The following RYR2 variants were observed in gnomAD, a reference collection of about 807,000 sequenced individuals.
RYR2 encodes cardiac muscle ryanodine receptor-calcium release channel.
A neutral mutation model predicts 601.1 loss-of-function variants in RYR2; 227 were observed. That is an observed-to-expected ratio of 0.38 (90% CI 0.34 to 0.42). RYR2 has a LOEUF of 0.42. Among genes scored for constraint, RYR2 ranks in the 10% least tolerant of loss-of-function variants. The pLI is 1.00. For missense variants in RYR2, 4,646 were observed against 6,156.5 expected, an observed-to-expected ratio of 0.75 and a Z score of 8.21; for synonymous variants, 2,223 against 2,175.1, an observed-to-expected ratio of 1.02 and a Z score of -0.61.
intron 1 of RYR2, among the ~76,000 whole-genome samples, chr1:237,120,511 C>T (rs1434712400): frequency 2.0e-5 from 3 of 152,150 alleles, no homozygotes; most frequent in South Asian, 2.1e-4. Context: ...TAAATGGTGA[C>T]GATAAAATGT....
At chr1:237,419,301 T>TA (rs538324984) in intron 11 of RYR2, among the ~76,000 whole-genome samples, 57 of 149,182 alleles carry the variant, frequency 3.8e-4, no homozygotes, top group Middle Eastern at 3.5e-3. Context: ...TATTTTTGGT[T>TA]AAAAAAAAAA....
intron 4 of RYR2, among the ~76,000 whole-genome samples, chr1:237,356,572 T>A (rs542960433): frequency 6.6e-6 from 1 of 152,076 alleles, no homozygotes; most frequent in South Asian, 2.1e-4. Context: ...CCTTATATAA[T>A]CTGAAGCAGT....
At chr1:237,187,392 C>T (rs1165077418) in intron 1 of RYR2, among the ~76,000 whole-genome samples, 4 of 149,946 alleles carry the variant, frequency 2.7e-5, no homozygotes, top group Non-Finnish European at 2.9e-5. Context: ...CTGCCTGCCT[C>T]GGCCTCCCAA....
chr1:237,269,441 C>T (rs1335314593), intron 1 of RYR2, among the ~76,000 whole-genome samples: 1 of 151,878 alleles, frequency 6.6e-6, no homozygotes, highest in Non-Finnish European at 1.5e-5. Context: ...TGCCATACTA[C>T]CTTGGTGAAG....
At chr1:237,210,984 G>A (rs1682508299) in intron 1 of RYR2, among the ~76,000 whole-genome samples, 3 of 152,030 alleles carry the variant, frequency 2.0e-5, no homozygotes, top group Middle Eastern at 3.4e-3. Flanking sequence ...TGTCACTGCC[G>A]CAGAGACGTC....
chr1:237,723,434 G>A (rs757687773), intron 74 of RYR2, among the ~76,000 whole-genome samples, 172 bp downstream of exon 74: 1 of 152,110 alleles, frequency 6.6e-6, no homozygotes, highest in Non-Finnish European at 1.5e-5. Flanking sequence ...CAATTTCTAA[G>A]CTTACAAATC....
In RYR2 at chr1:237,654,295, A is replaced by G. The variant is rs1037994284; in HGVS notation, c.7846A>G (p.Arg2616Gly). ...PLKLLTNHYE[R>G]CWKYYCLPGG... is the part of the protein sequence containing the mutation. ...ATAGCTGCTGACAAATCATTATGAA[A>G]GATGCTGGAAATATTACTGCCTGCC... Residue 2616 changes from arginine to glycine, a missense_variant, in exon 52 of 105, where the codon AGA becomes GGA. Physicochemically the swap from Arg to Gly is moderately radical, Grantham distance 125. Transcript: ENST00000366574. The G allele has an allele frequency of 6.2e-7, 1 of 1,613,934 alleles. No homozygotes were observed. Among genetic ancestry groups the G allele is most frequent in the Non-Finnish European group, 8.5e-7 (1 of 1,179,832 alleles).
chr1:237,048,165 G>A (rs187808448), intron 1 of RYR2, among the ~76,000 whole-genome samples: 2 of 152,260 alleles, frequency 1.3e-5, no homozygotes, highest in Admixed American at 1.3e-4. Context: ...TGTGGCTGTG[G>A]CTCCAGTGTG....
chr1:237,724,867 T>C (rs1191473767), intron 74 of RYR2, among the ~76,000 whole-genome samples: 1 of 152,200 alleles, frequency 6.6e-6, no homozygotes, highest in African/African-American at 2.4e-5. Context: ...ATGAAGCTTA[T>C]AGAAACTGAT....
At position 237,281,380 on chromosome 1, in the gene RYR2, T is replaced by C. The variant is rs16835092; in HGVS notation, c.168+10764T>C. On this transcript the variant is annotated intron_variant, in intron 2 of 104. Coordinates refer to ENST00000366574, the MANE Select transcript of RYR2 (RefSeq NM_001035.3). ...TAGGTGAGCTCCTAATTTCCCATTA[T>C]GTTTCTCATAAGATGTAGAAAATGA... Among the ~76,000 whole-genome samples, 835 of 152,292 alleles carry C rather than the reference T, an allele frequency of 5.5e-3. 6 individuals are homozygous for C. Among genetic ancestry groups the C allele is most frequent in the African/African-American group, 0.019 (790 of 41,550 alleles).
intron 25 of RYR2, among the ~76,000 whole-genome samples, chr1:237,540,961 A>G (rs1367146137): frequency 6.6e-6 from 1 of 152,048 alleles, no homozygotes; most frequent in Non-Finnish European, 1.5e-5. Flanking sequence ...ATTTAAAATG[A>G]CTTTCTGAAA....
At chr1:237,379,906 ATTG>A (rs756339215) in intron 8 of RYR2, among the ~76,000 whole-genome samples, 91 of 152,184 alleles carry the variant, frequency 6.0e-4, no homozygotes, top group Non-Finnish European at 7.4e-4. Context: ...CGTTGCTTTT[ATTG>A]TTGATCTCTA....
chr1:237,594,885 GGTTTTTTTTTTTTTTTTTTT>G (rs1675641038), intron 33 of RYR2, among the ~76,000 whole-genome samples: 22 of 79,054 alleles, frequency 2.8e-4, no homozygotes, highest in Admixed American at 8.9e-4. Flanking sequence ...AATATCACTG[GGTTTTTTTTTTTTTTTTTTT>G]TTTTTTTTTT....
chr1:237,285,933 T>G (rs1447433016), intron 2 of RYR2, among the ~76,000 whole-genome samples: 1 of 152,212 alleles, frequency 6.6e-6, no homozygotes, highest in East Asian at 1.9e-4. Context: ...TTCATTGATC[T>G]TGCCAATGGT....
At chr1:237,589,006 A>G (rs1674854501) in intron 29 of RYR2, among the ~76,000 whole-genome samples, 1 of 152,122 alleles carries the variant, frequency 6.6e-6, no homozygotes, top group Non-Finnish European at 1.5e-5. Context: ...CTTTTTGTTC[A>G]AAAGAGGAAA....
At chr1:237,288,222 T>C (rs1039292329) in intron 2 of RYR2, among the ~76,000 whole-genome samples, 1 of 152,100 alleles carries the variant, frequency 6.6e-6, no homozygotes, top group Non-Finnish European at 1.5e-5. Flanking sequence ...GTGGTGCGAG[T>C]GTGCAATGGA....
intron 29 of RYR2, among the ~76,000 whole-genome samples, chr1:237,569,656 C>A (rs185195025): frequency 4.6e-5 from 7 of 152,308 alleles, no homozygotes; most frequent in Non-Finnish European, 7.4e-5. Flanking sequence ...GAGCCTCTTT[C>A]TGTTTATTCA....
chr1:237,393,935 T>A (rs1702601365), intron 10 of RYR2, among the ~76,000 whole-genome samples: 1 of 152,176 alleles, frequency 6.6e-6, no homozygotes, highest in Non-Finnish European at 1.5e-5. Flanking sequence ...TTAAAAACAT[T>A]CATAGGAATT....
intron 1 of RYR2, among the ~76,000 whole-genome samples, chr1:237,224,552 A>C (rs925672906): frequency 6.6e-6 from 1 of 152,178 alleles, no homozygotes; most frequent in Non-Finnish European, 1.5e-5. Flanking sequence ...GAGTCTTTAC[A>C]TATGTTAATA....
Sources: gnomAD v4.1 joint callset for allele counts (sites outside exome capture counted in the v4.1 genomes callset) on GRCh38, gnomAD v4.1.1 for gene constraint, MANE v1.5 for transcripts, NCBI Gene and HGNC (gene_info 2026-07-23, HGNC 2026-07-21) for gene names.